The following INPP5A variants were observed in gnomAD, a reference collection of about 807,000 sequenced individuals.
The protein encoded by INPP5A is inositol polyphosphate-5-phosphatase A, also known as 43 kDa inositol polyphosphate 5-phophatase.
In INPP5A, 14 loss-of-function variants were observed where a neutral mutation model predicts 65.2. That is an observed-to-expected ratio of 0.21 (90% CI 0.14 to 0.34). The LOEUF is 0.34. INPP5A is among the 10% of genes least tolerant of loss of function. INPP5A has a pLI of 1.00. For synonymous variants in INPP5A, 207 were observed against 208.3 expected (o/e 0.99, Z 0.05); for missense variants, 431 against 545.6 (o/e 0.79, Z 2.09).
rs1328771696 is a variant in INPP5A at position 132,727,446 on chromosome 10, C to T, written c.732+541C>T. The T allele has an allele frequency of 6.6e-6, 1 of 152,358 alleles. No individual in the cohort carries two copies. Among genetic ancestry groups the T allele is most frequent in the Non-Finnish European group, 1.5e-5 (1 of 68,206 alleles). The allele number at this position is 152,358 out of a possible 1,614,324, so 9.4% of individuals were successfully genotyped here. ...TGGGAACTCAGGGGTCCAGGGTGCT[C>T]CTGGGTGTGCTTTCGGGCTGGCCGG... On this transcript the variant is annotated intron_variant, in intron 9 of 15. Coordinates refer to ENST00000368594, the MANE Select transcript of INPP5A (RefSeq NM_005539.5). The surrounding 1 kb of genome is among the most constrained non-coding windows in gnomAD (Gnocchi z 6.5).
chr10:132,750,630 T>C (rs3861042), intron 11 of INPP5A, among the ~76,000 whole-genome samples: 139,604 of 152,344 alleles, frequency 0.92, 64,109 homozygotes, highest in East Asian at 1. Context: ...GAACCAGGAA[T>C]CACGCAGCAG....
At chr10:132,628,908 C>G (rs576771701) in intron 2 of INPP5A, among the ~76,000 whole-genome samples, 1 of 152,062 alleles carries the variant, frequency 6.6e-6, no homozygotes, top group African/African-American at 2.4e-5. Context: ...TTTTATTTCA[C>G]CCAGTGTATC....
At chr10:132,779,198 A>C (rs1847116219) in intron 13 of INPP5A, among the ~76,000 whole-genome samples, 1 of 152,252 alleles carries the variant, frequency 6.6e-6, no homozygotes, top group South Asian at 2.1e-4. Flanking sequence ...CCAAAAGCCC[A>C]GGAGTGGGCT....
chr10:132,666,687 C>T (rs950888820), intron 4 of INPP5A, among the ~76,000 whole-genome samples: 3 of 152,238 alleles, frequency 2.0e-5, no homozygotes, highest in Admixed American at 2.0e-4. Context: ...AATTGTTACA[C>T]TGTGCTCTTC....
chr10:132,642,166 C>T (rs984650217), intron 2 of INPP5A, among the ~76,000 whole-genome samples: 2 of 151,720 alleles, frequency 1.3e-5, no homozygotes, highest in South Asian at 2.1e-4. Flanking sequence ...GCCTGGAGCC[C>T]GTCTGCGGTC....
At chr10:132,719,239 A>G (rs533976588) in intron 8 of INPP5A, among the ~76,000 whole-genome samples, 33 of 141,178 alleles carry the variant, frequency 2.3e-4, no homozygotes, top group African/African-American at 8.0e-4. Context: ...GTTCTGTGGT[A>G]CCTGGGTTCT....
intron 1 of INPP5A, among the ~76,000 whole-genome samples, chr10:132,560,808 G>A (rs1457817904): frequency 6.6e-6 from 1 of 151,936 alleles, no homozygotes; most frequent in East Asian, 1.9e-4. Flanking sequence ...ACAGGGTCTT[G>A]CTATGCTGTA....
chr10:132,613,652 A>G (rs2071989821), intron 2 of INPP5A, among the ~76,000 whole-genome samples: 1 of 152,216 alleles, frequency 6.6e-6, no homozygotes, highest in South Asian at 2.1e-4. Context: ...TTTCAATGCC[A>G]ATCCCCACTC....
chr10:132,743,419 G>T (rs1014587000), intron 9 of INPP5A, among the ~76,000 whole-genome samples: 1 of 149,900 alleles, frequency 6.7e-6, no homozygotes, highest in Non-Finnish European at 1.5e-5. Flanking sequence ...GTGAGGGCGA[G>T]CCCACCCACC....
At chr10:132,577,759 C>T (rs1256383113) in intron 1 of INPP5A, among the ~76,000 whole-genome samples, 2 of 152,200 alleles carry the variant, frequency 1.3e-5, no homozygotes, top group Admixed American at 6.5e-5. Context: ...TTGTGGGCAG[C>T]GGTGGTTCGT....
chr10:132,730,948 G>A (rs961187407), intron 9 of INPP5A, among the ~76,000 whole-genome samples: 8 of 152,200 alleles, frequency 5.3e-5, no homozygotes, highest in Admixed American at 5.2e-4. Flanking sequence ...GGACAGTACA[G>A]ACCAGGTGAC....
intron 4 of INPP5A, among the ~76,000 whole-genome samples, chr10:132,655,796 C>T (rs1384621116): frequency 6.6e-6 from 1 of 152,216 alleles, no homozygotes; most frequent in Non-Finnish European, 1.5e-5. Context: ...CAAGGCCACC[C>T]CATCCTCCCA....
intron 1 of INPP5A, among the ~76,000 whole-genome samples, chr10:132,548,233 A>G (rs1037988169): frequency 6.6e-6 from 1 of 152,114 alleles, no homozygotes; most frequent in African/African-American, 2.4e-5. Flanking sequence ...GGGTGGGGCC[A>G]ATGCAGCTGG....
At chr10:132,746,499 A>C (rs1388099959) in intron 9 of INPP5A, among the ~76,000 whole-genome samples, 1 of 152,138 alleles carries the variant, frequency 6.6e-6, no homozygotes, top group Non-Finnish European at 1.5e-5. Flanking sequence ...TGCACAGAAA[A>C]CAGCCTTTCT....
chr10:132,677,981 C>T (rs1590917804), intron 4 of INPP5A, among the ~76,000 whole-genome samples: 1 of 152,246 alleles, frequency 6.6e-6, no homozygotes, highest in East Asian at 1.9e-4. Context: ...CGTCAGCTGT[C>T]GAACAGGAGG....
intron 2 of INPP5A, among the ~76,000 whole-genome samples, chr10:132,640,239 C>CTGAGG (rs2133384077): frequency 6.6e-6 from 1 of 152,378 alleles, no homozygotes; most frequent in South Asian, 2.1e-4. Flanking sequence ...CAGTCTCATG[C>CTGAGG]TGGGTGCTGG....
intron 11 of INPP5A, among the ~76,000 whole-genome samples, chr10:132,760,688 C>T (rs1466388159): frequency 1.3e-5 from 2 of 152,214 alleles, no homozygotes; most frequent in Non-Finnish European, 2.9e-5. Flanking sequence ...TGTGGCGCAG[C>T]GTGTGCTTCC....
At position 132,781,844 on chromosome 10, in the gene INPP5A, C is replaced by G. The variant is rs1201491849; in HGVS notation, c.1159-17C>G. 1.2e-6 allele frequency: 2 copies of G among 1,610,494 alleles called. No homozygotes were observed. The highest frequency in any genetic ancestry group is 1.7e-5 in the Admixed American group (1 of 60,006). On this transcript the variant is annotated splice_polypyrimidine_tract_variant and intron_variant, in intron 14 of 15. Transcript: ENST00000368594. ...CCGCGTGCGCCGTGCTGACACCGTCCTCTCTTCCTGCTGCAGCCCGTGTTC... is the reference window on the plus strand; with the variant it reads ...CCGCGTGCGCCGTGCTGACACCGTCGTCTCTTCCTGCTGCAGCCCGTGTTC...
At chr10:132,600,482 G>T (rs538716791) in intron 1 of INPP5A, among the ~76,000 whole-genome samples, 42 of 152,308 alleles carry the variant, frequency 2.8e-4, no homozygotes, top group African/African-American at 9.6e-4. Context: ...AAGCCATTCA[G>T]CAAGTCTCCA....
Sources: gnomAD v4.1 joint callset for allele counts (sites outside exome capture counted in the v4.1 genomes callset) on GRCh38, gnomAD v4.1.1 for gene constraint, Gnocchi (gnomAD v3.1) non-coding constraint, MANE v1.5 for transcripts, NCBI Gene and HGNC (gene_info 2026-07-23, HGNC 2026-07-21) for gene names.